Variants in PCCA observed in about 807,000 individuals in gnomAD.
The protein encoded by PCCA is propionyl-CoA carboxylase alpha chain, mitochondrial.
PCCA carries 74 observed loss-of-function variants against 101.3 expected under a neutral mutation model. The ratio of observed to expected loss-of-function variants is 0.73; its 90% CI spans 0.61 to 0.89. The LOEUF (loss-of-function observed/expected upper bound fraction) is 0.89. PCCA is among the 40% of genes least tolerant of loss of function. The pLI, the probability that PCCA is intolerant of heterozygous loss-of-function variation, is 0.00. For missense variants in PCCA, 891 were observed against 907.0 expected (o/e 0.98, Z 0.23); for synonymous variants, 294 against 313.6 (o/e 0.94, Z 0.66).
At chr13:100,426,203 A>T (rs1392498434) in intron 20 of PCCA, among the ~76,000 whole-genome samples, 1 of 152,188 alleles carries the variant, frequency 6.6e-6, no homozygotes, top group Non-Finnish European at 1.5e-5. Context: ...TTTTCGCCTC[A>T]ATATAAAATG....
intron 7 of PCCA, among the ~76,000 whole-genome samples, chr13:100,215,264 C>G (rs1176972294): frequency 6.6e-6 from 1 of 152,200 alleles, no homozygotes; most frequent in African/African-American, 2.4e-5. Context: ...ATTCATTCAT[C>G]TATTCAGTAG....
intron 16 of PCCA, among the ~76,000 whole-genome samples, chr13:100,321,911 A>G (rs997483910): frequency 6.6e-6 from 1 of 152,058 alleles, no homozygotes; most frequent in Non-Finnish European, 1.5e-5. Flanking sequence ...GATGCATAGG[A>G]AAATGCCTGG....
intron 21 of PCCA, chr13:100,480,879 G>A (rs1460881811): frequency 6.6e-6 from 1 of 152,228 alleles, no homozygotes; most frequent in Non-Finnish European, 1.5e-5. Context: ...CTGAAGGGAA[G>A]TGTACTGTAC....
intron 19 of PCCA, among the ~76,000 whole-genome samples, chr13:100,407,749 T>C (rs978164892): frequency 2.0e-5 from 3 of 152,198 alleles, no homozygotes; most frequent in Admixed American, 2.0e-4. Context: ...CCTTGTAACC[T>C]TTTGCTAAAA....
chr13:100,287,264 T>C (rs2064750239), intron 12 of PCCA, among the ~76,000 whole-genome samples: 1 of 152,152 alleles, frequency 6.6e-6, no homozygotes, highest in Non-Finnish European at 1.5e-5. Context: ...CAGTATCTAG[T>C]AGAACTATTC....
At chr13:100,107,772 A>G (rs995435469) in intron 2 of PCCA, among the ~76,000 whole-genome samples, 1 of 152,186 alleles carries the variant, frequency 6.6e-6, no homozygotes, top group Non-Finnish European at 1.5e-5. Flanking sequence ...TATGCTAAAT[A>G]TTGTCATCAT....
intron 19 of PCCA, among the ~76,000 whole-genome samples, chr13:100,388,216 C>T (rs1385926182): frequency 6.6e-6 from 1 of 152,178 alleles, no homozygotes; most frequent in Non-Finnish European, 1.5e-5. Flanking sequence ...CGCCTATAAG[C>T]CCAACAGTTT....
chr13:100,473,092 T>C (rs548037732), intron 21 of PCCA: 25 of 152,292 alleles, frequency 1.6e-4, no homozygotes, highest in Admixed American at 4.6e-4. Context: ...AATGGAATAA[T>C]TAGGAAACTC....
At chr13:100,164,206 T>C (rs1485862142) in intron 6 of PCCA, among the ~76,000 whole-genome samples, 1 of 152,180 alleles carries the variant, frequency 6.6e-6, no homozygotes, top group African/African-American at 2.4e-5. Flanking sequence ...AATCACAGAA[T>C]TGGAATTTGA....
At chr13:100,221,435 T>C (rs2059802443) in intron 7 of PCCA, among the ~76,000 whole-genome samples, 1 of 152,210 alleles carries the variant, frequency 6.6e-6, no homozygotes, top group Non-Finnish European at 1.5e-5. Flanking sequence ...ACACTTGGTT[T>C]TGCTTGTTCA....
intron 20 of PCCA, among the ~76,000 whole-genome samples, chr13:100,430,505 G>A (rs2079474197): frequency 6.6e-6 from 1 of 152,132 alleles, no homozygotes; most frequent in Non-Finnish European, 1.5e-5. Flanking sequence ...TGTTCCTCCA[G>A]GAGTTGTCTT....
intron 15 of PCCA, among the ~76,000 whole-genome samples, chr13:100,308,535 A>G (rs1394018512): frequency 6.6e-6 from 1 of 151,696 alleles, no homozygotes; most frequent in Non-Finnish European, 1.5e-5. Context: ...CATGTTACCC[A>G]GGCTGATCTC....
At chr13:100,348,924 C>CTTTCCTTCCTTCCTTCCTTCCT (rs1555429141) in intron 18 of PCCA, among the ~76,000 whole-genome samples, 1 of 29,170 alleles carries the variant, frequency 3.4e-5, no homozygotes, top group Non-Finnish European at 8.1e-5. Context: ...CTTTTCTTTT[C>CTTTCCTTCCTTCCTTCCTTCCT]TTTTCTTTTC....
intron 12 of PCCA, among the ~76,000 whole-genome samples, chr13:100,277,338 T>C (rs2063737707): frequency 6.6e-6 from 1 of 152,218 alleles, no homozygotes; most frequent in Non-Finnish European, 1.5e-5. Context: ...AGTCCTTTTT[T>C]CCTGGAATGG....
At chr13:100,357,356 A>G (rs562470943) in intron 18 of PCCA, among the ~76,000 whole-genome samples, 23 of 152,288 alleles carry the variant, frequency 1.5e-4, no homozygotes, top group African/African-American at 5.1e-4. Context: ...TTTCTTTTCA[A>G]ATTGTAAAAT....
Position 100,340,198 on chromosome 13 carries a change from A to G in PCCA, c.1582A>G (p.Ile528Val), listed in dbSNP as rs1445893122. ...TKSEKNQLLA[I>V]ASSLFVAFQL... ...GAGTGAGAAGAACCAGTTATTGGCA[A>G]TAGCATCATCATTGTTTGTGGCATT... Residue 528 changes from isoleucine (I) to valine (V), a missense_variant, in exon 18 of 24, where the codon ATA becomes GTA. Physicochemically the swap from Ile to Val is conservative, Grantham distance 29 (BLOSUM62 3). Transcript: ENST00000376285. The G allele has an allele frequency of 1.2e-6, 2 of 1,611,494 alleles. No homozygotes were observed. The highest frequency in any genetic ancestry group is 1.1e-5 in the South Asian group (1 of 91,050).
chr13:100,312,685 C>G (rs946178923), intron 16 of PCCA, among the ~76,000 whole-genome samples: 1 of 152,076 alleles, frequency 6.6e-6, no homozygotes, highest in Non-Finnish European at 1.5e-5. Flanking sequence ...CCACAGTGTC[C>G]GCTAAATGGA....
At chr13:100,152,210 C>A (rs918074163) in intron 4 of PCCA, among the ~76,000 whole-genome samples, 4 of 152,086 alleles carry the variant, frequency 2.6e-5, no homozygotes, top group African/African-American at 9.7e-5. Context: ...TACCCTGCCC[C>A]CTGAAGTAAG....
intron 1 of PCCA, among the ~76,000 whole-genome samples, chr13:100,091,997 T>C (rs565236938): frequency 1.4e-4 from 22 of 152,248 alleles, no homozygotes; most frequent in African/African-American, 4.8e-4. Flanking sequence ...CTCAGCTCAC[T>C]GTAACCTCCA....
Sources: gnomAD v4.1 joint callset for allele counts (sites outside exome capture counted in the v4.1 genomes callset) on GRCh38, gnomAD v4.1.1 for gene constraint, MANE v1.5 for transcripts, NCBI Gene and HGNC (gene_info 2026-07-23, HGNC 2026-07-21) for gene names.